SGMS1: variants seen among roughly 807,000 people sequenced by gnomAD.
The protein encoded by SGMS1 is phosphatidylcholine:ceramide cholinephosphotransferase 1.
SGMS1 carries 13 observed loss-of-function variants against 46.2 expected under a neutral mutation model. The ratio of observed to expected loss-of-function variants is 0.28; its 90% CI spans 0.18 to 0.45. SGMS1 has a LOEUF of 0.45. SGMS1 is among the 20% of genes least tolerant of loss of function. SGMS1 has a pLI of 1.00. For missense variants in SGMS1, 324 were observed against 519.9 expected, an observed-to-expected ratio of 0.62 and a Z score of 3.66; for synonymous variants, 203 against 187.8, an observed-to-expected ratio of 1.08 and a Z score of -0.66.
intron 7 of SGMS1, among the ~76,000 whole-genome samples, chr10:50,329,515 T>C (rs1407037407): frequency 6.6e-6 from 1 of 152,246 alleles, no homozygotes; most frequent in Admixed American, 6.5e-5. Flanking sequence ...TGGCGTATAA[T>C]GTTAAACAAG....
chr10:50,587,533 A>G (rs1838495768), intron 2 of SGMS1, among the ~76,000 whole-genome samples: 2 of 152,084 alleles, frequency 1.3e-5, no homozygotes, highest in African/African-American at 2.4e-5. Flanking sequence ...CTCGGGAGGA[A>G]GAATCGCTTG....
chr10:50,541,124 T>C (rs1469608967), intron 2 of SGMS1, among the ~76,000 whole-genome samples: 1 of 152,208 alleles, frequency 6.6e-6, no homozygotes, highest in Non-Finnish European at 1.5e-5. Context: ...GAAAGGACTT[T>C]TGAAAATGTG....
At chr10:50,569,299 T>TTAA (rs373748949) in intron 2 of SGMS1, among the ~76,000 whole-genome samples, 1 of 130,528 alleles carries the variant, frequency 7.7e-6, no homozygotes, top group African/African-American at 2.9e-5. Context: ...CTTAAAGTAT[T>TTAA]AAAAAAAAAA....
At chr10:50,619,442 AAACAAACAAAGT>A (rs1838827447) in intron 1 of SGMS1, among the ~76,000 whole-genome samples, 1 of 152,182 alleles carries the variant, frequency 6.6e-6, no homozygotes, top group Non-Finnish European at 1.5e-5. Context: ...TGTAAATCAA[AAACAAACAAAGT>A]AACTCAACAT....
At chr10:50,563,880 T>G (rs1019324079) in intron 2 of SGMS1, among the ~76,000 whole-genome samples, 1 of 151,860 alleles carries the variant, frequency 6.6e-6, no homozygotes, top group Non-Finnish European at 1.5e-5. Context: ...TGCTATGGAA[T>G]GAAGGTACTG....
intron 7 of SGMS1, among the ~76,000 whole-genome samples, chr10:50,331,813 T>TAG (rs56038126): frequency 0.42 from 63,355 of 151,746 alleles, 14,027 homozygotes; most frequent in East Asian, 0.85. Flanking sequence ...AAATAGACAA[T>TAG]AGAGGTGGGC....
chr10:50,542,416 G>A (rs544268761), intron 2 of SGMS1, among the ~76,000 whole-genome samples: 21 of 152,172 alleles, frequency 1.4e-4, no homozygotes, highest in Admixed American at 2.6e-4. Context: ...AACAGATTAT[G>A]AGATACTTGA....
At chr10:50,574,963 G>GTGTATATATATATATATATATATA (rs1554793448) in intron 2 of SGMS1, among the ~76,000 whole-genome samples, 7 of 99,860 alleles carry the variant, frequency 7.0e-5, no homozygotes, top group Admixed American at 1.2e-4. Flanking sequence ...AAAATGTGGT[G>GTGTATATATATATATATATATATA]TATATATATA....
At chr10:50,600,359 T>G (rs1838638129) in intron 1 of SGMS1, among the ~76,000 whole-genome samples, 1 of 152,208 alleles carries the variant, frequency 6.6e-6, no homozygotes, top group Non-Finnish European at 1.5e-5. Context: ...TATCTCCTAT[T>G]CTGCATCTAC....
intron 3 of SGMS1, among the ~76,000 whole-genome samples, chr10:50,479,169 T>C (rs1588847316): frequency 6.6e-6 from 1 of 152,154 alleles, no homozygotes; most frequent in South Asian, 2.1e-4. Flanking sequence ...GACTACATCT[T>C]AGAAATTAAT....
intron 3 of SGMS1, among the ~76,000 whole-genome samples, chr10:50,481,897 C>T (rs889537883): frequency 2.6e-5 from 4 of 151,926 alleles, no homozygotes; most frequent in Admixed American, 6.6e-5. Context: ...TATCAAGAGC[C>T]GAATAGACCA....
chr10:50,443,124 T>A (rs1044875204), intron 5 of SGMS1, among the ~76,000 whole-genome samples: 4 of 152,168 alleles, frequency 2.6e-5, no homozygotes, highest in Non-Finnish European at 4.4e-5. Context: ...GTCAATCAGC[T>A]CTCTCAGCTG....
chr10:50,364,265 T>C (rs867848254), intron 6 of SGMS1, among the ~76,000 whole-genome samples: 1 of 151,370 alleles, frequency 6.6e-6, no homozygotes, highest in Admixed American at 6.6e-5. Context: ...AAAGAGAAAA[T>C]TTAAAAAAAT....
At chr10:50,617,010 T>C (rs1419487876) in intron 1 of SGMS1, among the ~76,000 whole-genome samples, 1 of 151,984 alleles carries the variant, frequency 6.6e-6, no homozygotes, top group African/African-American at 2.4e-5. Flanking sequence ...CAAGTCAAAG[T>C]ATAAAGAAAA....
intron 6 of SGMS1, among the ~76,000 whole-genome samples, chr10:50,413,854 T>C (rs1165908990): frequency 1.3e-5 from 2 of 152,246 alleles, no homozygotes; most frequent in East Asian, 1.9e-4. Context: ...CACCAAACTA[T>C]AGCTCCTTAA....
chr10:50,390,775 T>C (rs1848754715), intron 6 of SGMS1, among the ~76,000 whole-genome samples: 1 of 152,240 alleles, frequency 6.6e-6, no homozygotes, highest in South Asian at 2.1e-4. Context: ...GATAGAGGAA[T>C]CTGAGAACAA....
At chr10:50,607,905 A>G (rs1408402688) in intron 1 of SGMS1, among the ~76,000 whole-genome samples, 1 of 152,230 alleles carries the variant, frequency 6.6e-6, no homozygotes, top group Non-Finnish European at 1.5e-5. Context: ...AAAAATAATA[A>G]TATAAAAACA....
intron 6 of SGMS1, among the ~76,000 whole-genome samples, chr10:50,381,454 G>C (rs1470133381): frequency 6.6e-6 from 1 of 152,030 alleles, no homozygotes; most frequent in Non-Finnish European, 1.5e-5. Context: ...AATAAATGGA[G>C]AAAGGAGATG....
At chr10:50,546,990 C>T (rs1201188168) in intron 2 of SGMS1, among the ~76,000 whole-genome samples, 1 of 152,124 alleles carries the variant, frequency 6.6e-6, no homozygotes, top group Non-Finnish European at 1.5e-5. Context: ...TAATCAAATG[C>T]TGTTTCCATC....
Sources: gnomAD v4.1 joint callset for allele counts (sites outside exome capture counted in the v4.1 genomes callset) on GRCh38, gnomAD v4.1.1 for gene constraint, MANE v1.5 for transcripts, NCBI Gene and HGNC (gene_info 2026-07-23, HGNC 2026-07-21) for gene names.